The following HEATR4 variants were observed in gnomAD, a reference collection of about 807,000 sequenced individuals.
HEATR4 encodes HEAT repeat containing 4.
HEATR4 carries 95 observed loss-of-function variants against 108.8 expected under a neutral mutation model. The observed-to-expected ratio is 0.87, with a 90% confidence interval of 0.74 to 1.04. The LOEUF (loss-of-function observed/expected upper bound fraction) is 1.04, where lower values mean the gene tolerates loss of function less well. Among genes scored for constraint, HEATR4 ranks in the 50% least tolerant of loss-of-function variants. HEATR4 has a pLI of 0.00. For missense variants in HEATR4, 1,152 were observed against 1,253.8 expected (o/e 0.92, Z 1.23); for synonymous variants, 443 against 459.4 (o/e 0.96, Z 0.46).
the HEATR4 span, chr14:73,619,082 A>T: frequency 0.18 from 171,662 of 948,798 alleles, 18,722 homozygotes; most frequent in Non-Finnish European, 0.22. Context: ...GTGAGCCAAG[A>T]TTGCACCACT....
At chr14:73,577,345 C>T in the HEATR4 span, among the ~76,000 whole-genome samples, 2 of 135,450 alleles carry the variant, frequency 1.5e-5, no homozygotes, top group African/African-American at 5.6e-5. Context: ...TACTCTGCAA[C>T]CCAGGAATGC....
rs770214140 is a variant in HEATR4, at chr14:73,508,227, C to G, written c.1788G>C (p.Val596=). Residue 596 remains valine (V), a synonymous_variant, in exon 9 of 18, where the codon GTG becomes GTC. Coordinates refer to ENST00000553558, the MANE Select transcript of HEATR4 (RefSeq NM_001220484.1). ...ACAGCTGGTGGAGGATCCTCTTAAT[C>G]ACAGGGTAAGTAGCAGTACCTTCCA... ...LALEGTATYP[V]IKRILHQLFT... The G allele has an allele frequency of 6.2e-7, 1 of 1,614,034 alleles. No individual in the cohort carries two copies. The highest frequency in any genetic ancestry group is 1.7e-5 in the Admixed American group (1 of 60,018).
chr14:73,585,981 T>G, the HEATR4 span, among the ~76,000 whole-genome samples: 1 of 136,552 alleles, frequency 7.3e-6, no homozygotes, highest in Non-Finnish European at 1.5e-5. Context: ...TGCACTCCAG[T>G]CTGGGCGACA....
chr14:73,566,324 C>G, the HEATR4 span, among the ~76,000 whole-genome samples: 1 of 152,084 alleles, frequency 6.6e-6, no homozygotes, highest in African/African-American at 2.4e-5. Context: ...AGTCCCGCAC[C>G]GTGAGCCCAC....
At chr14:73,618,523 C>T in the HEATR4 span, among the ~76,000 whole-genome samples, 1 of 148,250 alleles carries the variant, frequency 6.7e-6, no homozygotes, top group African/African-American at 2.6e-5. Context: ...TGACCTCTCC[C>T]CTATGTCACT....
chr14:73,569,941 C>T, the HEATR4 span: 46 of 1,540,234 alleles, frequency 3.0e-5, no homozygotes, highest in Non-Finnish European at 3.8e-5. Context: ...GTGTGTCTCC[C>T]CCGCCCCACG....
chr14:73,499,241 G>C, intron 12 of HEATR4, 101 bp from the exon 13 acceptor site: 1 of 1,018,990 alleles, frequency 9.8e-7, no homozygotes, highest in Non-Finnish European at 1.6e-6. Context: ...AGCATTTTGG[G>C]ATGCCAAGGT....
chr14:73,598,131 T>G, the HEATR4 span, among the ~76,000 whole-genome samples: 2 of 142,024 alleles, frequency 1.4e-5, no homozygotes, highest in East Asian at 4.4e-4. Context: ...CCCAGCACTT[T>G]GGGAGGCCGA....
the HEATR4 span, among the ~76,000 whole-genome samples, chr14:73,612,104 C>T: frequency 6.6e-6 from 1 of 151,046 alleles, no homozygotes; most frequent in African/African-American, 2.4e-5. Flanking sequence ...TACAATGGTG[C>T]AATCTTGGCT....
intron 5 of HEATR4, among the ~76,000 whole-genome samples, chr14:73,515,210 T>C: frequency 6.6e-6 from 1 of 152,134 alleles, no homozygotes; most frequent in Non-Finnish European, 1.5e-5. Context: ...CATTTCCAGA[T>C]GTACTAAATT....
chr14:73,618,994 G>C, the HEATR4 span, among the ~76,000 whole-genome samples: 2 of 152,022 alleles, frequency 1.3e-5, no homozygotes, highest in African/African-American at 4.8e-5. Context: ...GCCGGGCGTG[G>C]TGGTGGGCGC....
At chr14:73,547,120 C>G (rs1393774566) in intron 1 of HEATR4, among the ~76,000 whole-genome samples, 2 of 109,690 alleles carry the variant, frequency 1.8e-5, no homozygotes, top group African/African-American at 5.7e-5. Flanking sequence ...CGGTGGCTTA[C>G]GCCTGTAATC....
intron 17 of HEATR4, among the ~76,000 whole-genome samples, chr14:73,487,763 A>G (rs1595078347): frequency 6.6e-6 from 1 of 152,208 alleles, no homozygotes; most frequent in East Asian, 1.9e-4. Context: ...AAGAGTCAAA[A>G]TTCTCTTGAG....
chr14:73,594,051 C>G, the HEATR4 span: 1 of 559,072 alleles, frequency 1.8e-6, no homozygotes, highest in East Asian at 3.0e-5. Flanking sequence ...GCTATTTCCA[C>G]TTTTTCTGTC....
intron 11 of HEATR4, among the ~76,000 whole-genome samples, chr14:73,501,289 T>C (rs930371882): frequency 6.6e-6 from 1 of 151,890 alleles, no homozygotes; most frequent in Non-Finnish European, 1.5e-5. Context: ...TGGCTAATTT[T>C]GTTTTTCTTG....
At chr14:73,565,786 G>A in the HEATR4 span, among the ~76,000 whole-genome samples, 1 of 152,010 alleles carries the variant, frequency 6.6e-6, no homozygotes, top group Non-Finnish European at 1.5e-5. Flanking sequence ...AGCTCATAAA[G>A]GCAGTGTGGA....
chr14:73,592,026 G>A, the HEATR4 span: 3 of 1,444,626 alleles, frequency 2.1e-6, no homozygotes, highest in African/African-American at 3.0e-5. Context: ...GCGCATTGCC[G>A]TGCGCGGCCT....
chr14:73,503,162 G>A (rs1886586474), intron 10 of HEATR4, 149 bp from the exon 11 acceptor site: 1 of 646,198 alleles, frequency 1.5e-6, no homozygotes, highest in African/African-American at 1.8e-5. Flanking sequence ...CTCTCCCAAA[G>A]AATCCAGTGG....
At chr14:73,573,650 G>T in the HEATR4 span, 2 of 1,598,110 alleles carry the variant, frequency 1.3e-6, no homozygotes, top group Non-Finnish European at 1.7e-6. Context: ...TAAATGGTCT[G>T]GGTTTTCACA....
Sources: gnomAD v4.1 joint callset for allele counts (sites outside exome capture counted in the v4.1 genomes callset) on GRCh38, gnomAD v4.1.1 for gene constraint, MANE v1.5 for transcripts, NCBI Gene and HGNC (gene_info 2026-07-23, HGNC 2026-07-21) for gene names.